STUM: variants seen among roughly 807,000 people sequenced by gnomAD.
The protein encoded by STUM is stum, mechanosensory transduction mediator homolog.
A neutral mutation model predicts 15.3 loss-of-function variants in STUM; 8 were observed. That is an observed-to-expected ratio of 0.52 (90% CI 0.31 to 0.94). STUM has a LOEUF of 0.94. STUM is among the 40% of genes least tolerant of loss of function. The pLI, the probability that STUM is intolerant of heterozygous loss-of-function variation, is 0.05. For missense variants in STUM, 142 were observed against 204.9 expected (o/e 0.69, Z 1.87); for synonymous variants, 78 against 88.7 (o/e 0.88, Z 0.68).
chr1:226,551,310 G>A (rs1667373050), intron 1 of STUM, among the ~76,000 whole-genome samples: 1 of 152,212 alleles, frequency 6.6e-6, no homozygotes, highest in African/African-American at 2.4e-5. Flanking sequence ...CTCTTCTGCA[G>A]AGCTGAGCAC....
At chr1:226,562,475 A>C (rs76020934) in intron 1 of STUM, among the ~76,000 whole-genome samples, 3 of 133,452 alleles carry the variant, frequency 2.2e-5, no homozygotes, top group Non-Finnish European at 4.8e-5. Flanking sequence ...ACTCCTTCTG[A>C]AAAAAAAAAA....
chr1:226,564,735 AGCTGGGAAACGT>A (rs535506902), intron 1 of STUM, among the ~76,000 whole-genome samples: 84 of 152,300 alleles, frequency 5.5e-4, no homozygotes, highest in African/African-American at 1.9e-3. Flanking sequence ...GGTGATAATG[AGCTGGGAAACGT>A]GCCCCTTTCT....
At position 226,603,952 on chromosome 1, in the gene STUM, C is replaced by T. The variant is rs2102716932; in HGVS notation, c.*1912C>T. 1 of 152,336 alleles carries T rather than the reference C, an allele frequency of 6.6e-6. No homozygotes were observed. Among genetic ancestry groups the T allele is most frequent in the East Asian group, 1.9e-4 (1 of 5,202 alleles). The allele number at this position is 152,336 out of a possible 1,614,324, so 9.4% of individuals were successfully genotyped here. On this transcript the variant is annotated 3_prime_UTR_variant, in exon 4 of 4. Transcript: ENST00000366788. ...CCTTCTGCTGTGTGCAGCAGGCATC[C>T]TCCAGGCTGGTGCTGGCTGCTCTCG... is the stretch of plus-strand genomic sequence containing the variant.
intron 1 of STUM, among the ~76,000 whole-genome samples, chr1:226,583,624 C>G (rs2102703268): frequency 6.6e-6 from 1 of 152,302 alleles, no homozygotes; most frequent in Admixed American, 6.5e-5. Flanking sequence ...TCCTCACAGG[C>G]CTCTTCCTTT....
In STUM at chr1:226,606,698, T is replaced by A. The variant is rs1668364954; in HGVS notation, c.*4658T>A. On this transcript the variant is annotated 3_prime_UTR_variant, in exon 4 of 4. Coordinates refer to ENST00000366788, the MANE Select transcript of STUM (RefSeq NM_001003665.4). ...GCTTCCCAGAGACCATGACCTTGTATGTGGCTGGAGGCCTCAGGCTTAGGG... is the reference window on the plus strand; with the variant it reads ...GCTTCCCAGAGACCATGACCTTGTAAGTGGCTGGAGGCCTCAGGCTTAGGG... 1 of 152,174 alleles carries A rather than the reference T, an allele frequency of 6.6e-6. No individual in the cohort carries two copies. The highest frequency in any genetic ancestry group is 2.4e-5 in the African/African-American group (1 of 41,432). The allele number at this position is 152,174 out of a possible 1,614,324, so 9.4% of individuals were successfully genotyped here. A position where few individuals can be genotyped will look rare whatever the true frequency, so the allele number is the denominator to read the frequency against.
chr1:226,567,409 A>G lies in STUM; in HGVS notation c.202+18303A>G, dbSNP rs185285819. ...GAAACACAACAATATTAGCTATTAA[A>G]CAAAGTAAGGAAACATTGAATAAGA... On this transcript the variant is annotated intron_variant, in intron 1 of 3. Transcript: ENST00000366788. The surrounding 1 kb of genome is among the most constrained non-coding windows in gnomAD (Gnocchi z 4.5). Among the ~76,000 whole-genome samples the G allele has an allele frequency of 1.5e-3, 227 of 152,368 alleles. No homozygotes were observed. The highest frequency in any genetic ancestry group is 2.2e-3 in the Non-Finnish European group (148 of 68,040).
chr1:226,570,007 C>T (rs1667681944), intron 1 of STUM, among the ~76,000 whole-genome samples: 1 of 152,214 alleles, frequency 6.6e-6, no homozygotes, highest in African/African-American at 2.4e-5. Flanking sequence ...CTCAGGGTGA[C>T]TGCCACACAT....
chr1:226,593,018 T>C (rs1162746090), intron 1 of STUM, among the ~76,000 whole-genome samples: 1 of 152,194 alleles, frequency 6.6e-6, no homozygotes, highest in Non-Finnish European at 1.5e-5. Context: ...AAACCCCGTC[T>C]CGACTAAAAA....
At chr1:226,591,711 C>T (rs926726203) in intron 1 of STUM, among the ~76,000 whole-genome samples, 8 of 152,186 alleles carry the variant, frequency 5.3e-5, no homozygotes, top group Non-Finnish European at 7.3e-5. Context: ...GACAAAGTTT[C>T]CTTATGCTCA....
chr1:226,550,863 C>A (rs2102683221), intron 1 of STUM, among the ~76,000 whole-genome samples: 1 of 152,168 alleles, frequency 6.6e-6, no homozygotes, highest in East Asian at 1.9e-4. Flanking sequence ...TCCGCTGACC[C>A]CTGGCTCCTT....
rs923536536 is a variant in STUM, at chr1:226,608,158, C to A, written c.*6118C>A. 2.0e-5 allele frequency: 3 copies of A among 152,384 alleles called. No individual in the cohort carries two copies. The highest frequency in any genetic ancestry group is 4.4e-5 in the Non-Finnish European group (3 of 68,138). 9.4% of individuals were successfully genotyped at this position (152,384 alleles called of 1,614,324 possible). On this transcript the variant is annotated 3_prime_UTR_variant, in exon 4 of 4. Transcript: ENST00000366788. This position sits in a 1 kb window ranked among gnomAD's most constrained non-coding sequence, Gnocchi z 4.0. ...CCATTCCCCACAACCCCAGCTTGGC[C>A]TCCTGTGGGAAGGAGAAGGCAGACC...
rs1325472247 is a variant in STUM at position 226,565,671 on chromosome 1, C to A, written c.202+16565C>A. 6.6e-6 allele frequency among the ~76,000 whole-genome samples: 1 copy of A among 152,164 alleles called. No homozygotes were observed. Among genetic ancestry groups the A allele is most frequent in the Non-Finnish European group, 1.5e-5 (1 of 68,018 alleles). Reference sequence around the variant, plus strand: ...AGACTTGAGAAGGTGCTAGGCGTGACTCCCTGCCCGGCTCCTGCCTGGGTA... The same window carrying A: ...AGACTTGAGAAGGTGCTAGGCGTGAATCCCTGCCCGGCTCCTGCCTGGGTA... On this transcript the variant is annotated intron_variant, in intron 1 of 3. Coordinates refer to ENST00000366788, the MANE Select transcript of STUM (RefSeq NM_001003665.4). This position sits in a 1 kb window ranked among gnomAD's most constrained non-coding sequence, Gnocchi z 4.4.
chr1:226,549,208 C>A lies in STUM; in HGVS notation c.202+102C>A. 1 of 1,048,804 alleles carries A rather than the reference C, an allele frequency of 9.5e-7. No homozygotes were observed. Among genetic ancestry groups the A allele is most frequent in the Non-Finnish European group, 1.4e-6 (1 of 736,868 alleles). The allele number at this position is 1,048,804 out of a possible 1,614,324, so 65.0% of individuals were successfully genotyped here. ...GGAGACCTCCTGGCGGGGCCGCGCG[C>A]TCCAAGTGCTGCGACCACGCGCCAC... On this transcript the variant is annotated intron_variant, in intron 1 of 3. Coordinates refer to ENST00000366788, the MANE Select transcript of STUM (RefSeq NM_001003665.4). This position sits in a 1 kb window ranked among gnomAD's most constrained non-coding sequence, Gnocchi z 6.8.
At chr1:226,586,418 T>C (rs1667998783) in intron 1 of STUM, among the ~76,000 whole-genome samples, 1 of 152,178 alleles carries the variant, frequency 6.6e-6, no homozygotes, top group Admixed American at 6.5e-5. Context: ...GCTGAGCACA[T>C]GGTGGGCACG....
rs1418368300 is a variant in STUM at position 226,600,975 on chromosome 1, T to C, written c.391+301T>C. 6.6e-6 allele frequency among the ~76,000 whole-genome samples: 1 copy of C among 152,108 alleles called. No homozygotes were observed. The highest frequency in any genetic ancestry group is 6.5e-5 in the Admixed American group (1 of 15,282). On this transcript the variant is annotated intron_variant, in intron 3 of 3. Coordinates refer to ENST00000366788, the MANE Select transcript of STUM (RefSeq NM_001003665.4). The surrounding 1 kb of genome is among the most constrained non-coding windows in gnomAD (Gnocchi z 5.2). ...CAGCATGGGTTATTAGCACCCAAAATTGAGAAATACTCTGCTAAATGAAGA... is the reference window on the plus strand; with the variant it reads ...CAGCATGGGTTATTAGCACCCAAAACTGAGAAATACTCTGCTAAATGAAGA...
chr1:226,591,944 C>G (rs1668092411), intron 1 of STUM, among the ~76,000 whole-genome samples: 1 of 152,036 alleles, frequency 6.6e-6, no homozygotes, highest in Non-Finnish European at 1.5e-5. Context: ...GAACACCATC[C>G]AATTCAGGGC....
chr1:226,589,864 C>T (rs1373819871), intron 1 of STUM, among the ~76,000 whole-genome samples: 5 of 152,070 alleles, frequency 3.3e-5, no homozygotes, highest in African/African-American at 9.7e-5. Flanking sequence ...GATGAGGTTG[C>T]GTGATTTTCT....
Position 226,548,884 on chromosome 1 carries a change from T to A in STUM, c.-21T>A. 7.4e-7 allele frequency: 1 copy of A among 1,343,510 alleles called. No homozygotes were observed. Among genetic ancestry groups the A allele is most frequent in the Non-Finnish European group, 9.5e-7 (1 of 1,057,240 alleles). The allele number at this position is 1,343,510 out of a possible 1,614,324, so 83.2% of individuals were successfully genotyped here. A position where few individuals can be genotyped will look rare whatever the true frequency, so the allele number is the denominator to read the frequency against. ...GCCAGCTCCGGCCGTGCTGCCCGGCTGCCTGAGAGCGCGCCCGGCCATGGA... is the reference window on the plus strand; with the variant it reads ...GCCAGCTCCGGCCGTGCTGCCCGGCAGCCTGAGAGCGCGCCCGGCCATGGA... On this transcript the variant is annotated 5_prime_UTR_variant, in exon 1 of 4. Coordinates refer to ENST00000366788, the MANE Select transcript of STUM (RefSeq NM_001003665.4).
chr1:226,551,912 C>G (rs954569571), intron 1 of STUM, among the ~76,000 whole-genome samples: 1 of 152,126 alleles, frequency 6.6e-6, no homozygotes, highest in Non-Finnish European at 1.5e-5. Context: ...AAATCTATCA[C>G]GTGTCCTCAG....
Sources: gnomAD v4.1 joint callset for allele counts (sites outside exome capture counted in the v4.1 genomes callset) on GRCh38, gnomAD v4.1.1 for gene constraint, Gnocchi (gnomAD v3.1) non-coding constraint, MANE v1.5 for transcripts, NCBI Gene and HGNC (gene_info 2026-07-23, HGNC 2026-07-21) for gene names.